The following PKM variants were observed in gnomAD, a reference collection of about 807,000 sequenced individuals.
The protein encoded by PKM is pyruvate kinase M1/2.
A neutral mutation model predicts 49.8 loss-of-function variants in PKM; 18 were observed. That is an observed-to-expected ratio of 0.36 (90% CI 0.25 to 0.54). PKM has a LOEUF of 0.54. Among genes scored for constraint, PKM ranks in the 20% least tolerant of loss-of-function variants. The pLI is 0.89. For synonymous variants in PKM, 239 were observed against 261.8 expected, an observed-to-expected ratio of 0.91 and a Z score of 0.84; for missense variants, 508 against 713.8, an observed-to-expected ratio of 0.71 and a Z score of 3.28.
intron 1 of PKM, chr15:72,228,522 G>C: frequency 1.7e-6 from 1 of 591,122 alleles, no homozygotes; most frequent in Non-Finnish European, 2.8e-6. Context: ...CTCACTGAAA[G>C]GGGAGAAGGG....
chr15:72,226,880 GCAGA>G (rs2082685626), intron 1 of PKM, among the ~76,000 whole-genome samples: 1 of 152,226 alleles, frequency 6.6e-6, no homozygotes, highest in Non-Finnish European at 1.5e-5. Context: ...CCTCCTACGT[GCAGA>G]CAAGCACAAA....
Position 72,217,476 on chromosome 15 carries a change from G to A in PKM, c.179C>T (p.Thr60Met), listed in dbSNP as rs1473418252. Residue 60 changes from threonine (T) to methionine (M), a missense_variant, in exon 3 of 11, where the codon ACG becomes ATG. Transcript: ENST00000335181. ...TCCAGACTTAATCATCTCCTTCAAC[G>A]TCTCCACTGATCGGGAAGCTGGGCC... is the stretch of plus-strand genomic sequence containing the variant. ...TIGPASRSVE[T>M]LKEMIKSGMN... 7 of 1,610,162 alleles carry A rather than the reference G, an allele frequency of 4.3e-6. No homozygotes were observed. The highest frequency in any genetic ancestry group is 5.9e-6 in the Non-Finnish European group (7 of 1,176,566).
intron 1 of PKM, among the ~76,000 whole-genome samples, chr15:72,226,270 G>A (rs943587935): frequency 2.0e-5 from 3 of 152,194 alleles, no homozygotes; most frequent in Non-Finnish European, 2.9e-5. Context: ...GCTGATGCCT[G>A]TAATCCCAGC....
rs890928967 is a variant in PKM, at chr15:72,217,456, A to C, written c.199T>G (p.Ser67Ala). The C allele has an allele frequency of 4.3e-6, 7 of 1,613,282 alleles. No individual in the cohort carries two copies. The highest frequency in any genetic ancestry group is 5.9e-6 in the Non-Finnish European group (7 of 1,179,354). The change falls in exon 3 of 11, where the codon TCT becomes GCT. Residue 67 changes from serine (S) to alanine (A), a missense_variant. Transcript: ENST00000335181. ...SVETLKEMIK[S>A]GMNVARLNFS... ...TTCAGACGAGCCACATTCATTCCAG[A>C]CTTAATCATCTCCTTCAACGTCTCC...
At position 72,206,659 on chromosome 15, in the gene PKM, C is replaced by T. The variant is rs932674610; in HGVS notation, c.1140+69G>A. The T allele has an allele frequency of 2.7e-6, 4 of 1,468,122 alleles. No homozygotes were observed. The East Asian group carries it at 6.8e-5, about 25-fold the overall frequency. The allele number at this position is 1,468,122 out of a possible 1,614,324, so 90.9% of individuals were successfully genotyped here. A position where few individuals can be genotyped will look rare whatever the true frequency, so the allele number is the denominator to read the frequency against. On this transcript the variant is annotated intron_variant, in intron 8 of 10. Coordinates refer to ENST00000335181, the MANE Select transcript of PKM (RefSeq NM_002654.6). ...GGATGGAGAAACCTAAAAAGCTCTGCACCAGAGCTTGCATCCATCCCAGGC... is the reference window on the plus strand; with the variant it reads ...GGATGGAGAAACCTAAAAAGCTCTGTACCAGAGCTTGCATCCATCCCAGGC...
intron 3 of PKM, among the ~76,000 whole-genome samples, chr15:72,211,327 A>G (rs1254105970): frequency 6.6e-6 from 1 of 152,092 alleles, no homozygotes; most frequent in Non-Finnish European, 1.5e-5. Flanking sequence ...TCGGCCTCCC[A>G]AAGTGCTGGG....
At chr15:72,207,401 A>G in intron 6 of PKM, 124 bp from the exon 7 acceptor site, 3 of 873,160 alleles carry the variant, frequency 3.4e-6, no homozygotes, top group Non-Finnish European at 5.7e-6. Flanking sequence ...GACATCCATG[A>G]TATCATCATG....
chr15:72,222,291 T>C (rs1332651676), intron 1 of PKM, among the ~76,000 whole-genome samples: 1 of 152,134 alleles, frequency 6.6e-6, no homozygotes, highest in Non-Finnish European at 1.5e-5. Flanking sequence ...TCCTTCATGC[T>C]CTCTACCCAG....
intron 1 of PKM, among the ~76,000 whole-genome samples, chr15:72,226,572 CATT>C (rs1276540998): frequency 6.6e-6 from 1 of 152,168 alleles, no homozygotes; most frequent in East Asian, 1.9e-4. Context: ...AATGAAGAAA[CATT>C]ATCTGCAAGT....
rs1418465197 is a variant in PKM at position 72,221,032 on chromosome 15, A to G, written c.-13-1922T>C. 5.9e-6 allele frequency: 4 copies of G among 677,172 alleles called. No homozygotes were observed. The African/African-American group carries it at 7.1e-5, about 12-fold the overall frequency. The allele number at this position is 677,172 out of a possible 1,614,324, so 41.9% of individuals were successfully genotyped here. On this transcript the variant is annotated intron_variant, in intron 1 of 10. Transcript: ENST00000335181. ...CAATCTAGGGACTGTATTGTGAACAAAATAAGATCTGAATAAGTGGGTTGG... is the reference window on the plus strand; with the variant it reads ...CAATCTAGGGACTGTATTGTGAACAGAATAAGATCTGAATAAGTGGGTTGG...
At chr15:72,210,139 AAAG>A in intron 4 of PKM, 1 of 690,808 alleles carries the variant, frequency 1.4e-6, no homozygotes. Flanking sequence ...GGTAAAAAAA[AAAG>A]GTTCCTTTGT....
chr15:72,202,387 C>T lies in PKM; in HGVS notation c.1307+67G>A. The T allele has an allele frequency of 2.0e-6, 3 of 1,495,272 alleles. No homozygotes were observed. Among genetic ancestry groups the T allele is most frequent in the Non-Finnish European group, 2.8e-6 (3 of 1,088,920 alleles). 92.6% of individuals were successfully genotyped at this position (1,495,272 alleles called of 1,614,324 possible). A position where few individuals can be genotyped will look rare whatever the true frequency, so the allele number is the denominator to read the frequency against. On this transcript the variant is annotated intron_variant, in intron 9 of 10. Coordinates refer to ENST00000335181, the MANE Select transcript of PKM (RefSeq NM_002654.6). The surrounding 1 kb of genome is among the most constrained non-coding windows in gnomAD (Gnocchi z 4.5). ...CACCTGAGCATTGTTCAATGGACTG[C>T]TCCCAGGACCCCCAAGGTGAGGTAC...
chr15:72,221,053 G>C, intron 1 of PKM: 1 of 706,904 alleles, frequency 1.4e-6, no homozygotes, highest in Non-Finnish European at 2.5e-6. Flanking sequence ...GAATAAGTGG[G>C]TTGGAGTAAC....
chr15:72,212,639 AATG>A (rs1202946535), intron 3 of PKM, among the ~76,000 whole-genome samples: 3 of 152,218 alleles, frequency 2.0e-5, no homozygotes, highest in Non-Finnish European at 4.4e-5. Context: ...ATCATCTTAT[AATG>A]ATAAGACTCA....
intron 3 of PKM, among the ~76,000 whole-genome samples, chr15:72,211,572 C>T (rs1371138012): frequency 6.6e-6 from 1 of 152,006 alleles, no homozygotes; most frequent in Non-Finnish European, 1.5e-5. Context: ...AAACCAAACA[C>T]TTTGGGAGGC....
chr15:72,218,848 C>T lies in PKM; in HGVS notation c.154+96G>A, dbSNP rs2082442641. 4.0e-6 allele frequency: 5 copies of T among 1,251,016 alleles called. No homozygotes were observed. The Admixed American group carries it at 9.5e-5, about 24-fold the overall frequency. 77.5% of individuals were successfully genotyped at this position (1,251,016 alleles called of 1,614,324 possible). On this transcript the variant is annotated intron_variant, in intron 2 of 10. Coordinates refer to ENST00000335181, the MANE Select transcript of PKM (RefSeq NM_002654.6). ...AGAATCTGTGTAGTATCCCATGTAG[C>T]ACCTAGGTTTGTTAGGACATTTAGT...
In PKM at chr15:72,207,124, T is replaced by A. The variant is rs755193436; in HGVS notation, c.987+3A>T. The stretch of plus-strand genomic sequence containing the variant: ...GAGAATGTGGGGAAGGGTGGGCACA[T>A]GCCTGAGTAGCACAGATGACAGGCT... On this transcript the variant is annotated splice_donor_region_variant and intron_variant, in intron 7 of 10. Coordinates refer to ENST00000335181, the MANE Select transcript of PKM (RefSeq NM_002654.6). The A allele has an allele frequency of 1.9e-6, 3 of 1,613,464 alleles. No individual in the cohort carries two copies. The highest frequency in any genetic ancestry group is 4.5e-5 in the East Asian group (2 of 44,878).
chr15:72,204,848 A>C (rs2082031540), intron 8 of PKM, among the ~76,000 whole-genome samples: 1 of 152,218 alleles, frequency 6.6e-6, no homozygotes, highest in Non-Finnish European at 1.5e-5. Context: ...CTTTGAGACC[A>C]TGAAGTCACA....
intron 1 of PKM, chr15:72,228,630 C>T (rs1375668064): frequency 1.6e-6 from 2 of 1,285,396 alleles, no homozygotes; most frequent in East Asian, 1.1e-4. Flanking sequence ...GAGTCATCTT[C>T]CCCACAGAGC....
Sources: allele counts gnomAD v4.1 joint callset (sites outside exome capture counted in the v4.1 genomes callset), GRCh38; gene constraint gnomAD v4.1.1; non-coding constraint Gnocchi (gnomAD v3.1); transcripts MANE v1.5; gene names NCBI Gene and HGNC (gene_info 2026-07-23, HGNC 2026-07-21).